Variants in PREX2 observed in about 807,000 individuals in gnomAD.
The protein encoded by PREX2 is phosphatidylinositol 3,4,5-trisphosphate-dependent Rac exchanger 2 protein.
In PREX2, 107 loss-of-function variants were observed where a neutral mutation model predicts 203.2. The observed-to-expected ratio is 0.53, with a 90% CI of 0.45 to 0.62. PREX2 has a LOEUF of 0.62. Among genes scored for constraint, PREX2 ranks in the 20% least tolerant of loss-of-function variants. PREX2 has a pLI of 0.00. For missense variants in PREX2, 1,777 were observed against 1,955.9 expected (o/e 0.91, Z 1.72); for synonymous variants, 672 against 663.6 (o/e 1.01, Z -0.19).
chr8:67,988,158 A>G (rs1201864618), intron 1 of PREX2, among the ~76,000 whole-genome samples: 2 of 152,192 alleles, frequency 1.3e-5, no homozygotes, highest in Admixed American at 1.3e-4. Context: ...AAAATATGCC[A>G]GAGCCCACAG....
intron 7 of PREX2, 88 bp downstream of exon 7, chr8:68,038,380 C>T: frequency 1.5e-6 from 2 of 1,336,278 alleles, no homozygotes; most frequent in Admixed American, 4.0e-5. Context: ...ATCCAGCTCA[C>T]AGTTTCTACC....
chr8:68,111,604 T>C (rs1010413942), intron 25 of PREX2, among the ~76,000 whole-genome samples: 5 of 152,162 alleles, frequency 3.3e-5, no homozygotes, highest in Admixed American at 3.3e-4. Context: ...CCCAACTGAG[T>C]GTGTTTATTA....
At position 68,203,815 on chromosome 8, in the gene PREX2, A is replaced by T. The variant is rs538968461; in HGVS notation, c.4604+11290A>T. ...TGCACAAAGTTCTGTTCAGTGTCTC[A>T]GATAAACAGGCCAAAGAGAAAACAA... On this transcript the variant is annotated intron_variant, in intron 37 of 39. Transcript: ENST00000288368. Among the ~76,000 whole-genome samples, 9 of 152,300 alleles carry T rather than the reference A, an allele frequency of 5.9e-5. No individual in the cohort carries two copies. The East Asian group carries it at 1.7e-3, about 29-fold the overall frequency.
At chr8:67,976,505 GGGACAGAC>G (rs1486053902) in intron 1 of PREX2, among the ~76,000 whole-genome samples, 2 of 106,518 alleles carry the variant, frequency 1.9e-5, no homozygotes, top group African/African-American at 3.3e-5. Flanking sequence ...GACAGAGAGA[GGGACAGAC>G]AGAGACAGAG....
chr8:67,960,575 G>C (rs142004655), intron 1 of PREX2, among the ~76,000 whole-genome samples: 1 of 152,116 alleles, frequency 6.6e-6, no homozygotes, highest in East Asian at 1.9e-4. Context: ...TGTTCCGGGA[G>C]CCACCAGGGA....
chr8:68,164,205 T>C (rs541804055), intron 35 of PREX2, among the ~76,000 whole-genome samples: 10 of 152,090 alleles, frequency 6.6e-5, no homozygotes, highest in East Asian at 5.8e-4. Context: ...CAGGAAAGAA[T>C]AGAAGTAAAC....
intron 1 of PREX2, among the ~76,000 whole-genome samples, chr8:68,017,159 T>C (rs1448090238): frequency 6.6e-6 from 1 of 152,120 alleles, no homozygotes; most frequent in Admixed American, 6.6e-5. Context: ...GTTTAGCCAT[T>C]GGTCAAAACT....
At chr8:68,222,581 A>G (rs1019417117) in intron 38 of PREX2, among the ~76,000 whole-genome samples, 2 of 152,156 alleles carry the variant, frequency 1.3e-5, no homozygotes, top group African/African-American at 4.8e-5. Context: ...TCCAGTCCAT[A>G]AACAAAACAA....
At chr8:68,094,845 G>A (rs528961712) in intron 21 of PREX2, 5 of 152,222 alleles carry the variant, frequency 3.3e-5, no homozygotes, top group Admixed American at 6.5e-5. Context: ...GCCCCACAAG[G>A]TTGCCCCCAT....
intron 13 of PREX2, among the ~76,000 whole-genome samples, chr8:68,070,146 C>A (rs1809155630): frequency 1.3e-5 from 2 of 151,434 alleles, no homozygotes; most frequent in Admixed American, 6.6e-5. Flanking sequence ...TGAAATAATC[C>A]ACTTTCAGTT....
At chr8:68,192,638 G>A (rs1585855798) in intron 37 of PREX2, 113 bp downstream of exon 37, 8 of 759,642 alleles carry the variant, frequency 1.1e-5, no homozygotes, top group East Asian at 2.8e-5. Context: ...AAAGACTCAG[G>A]TGTATTTGGA....
At chr8:67,995,880 A>G (rs1563490692) in intron 1 of PREX2, among the ~76,000 whole-genome samples, 1 of 152,154 alleles carries the variant, frequency 6.6e-6, no homozygotes, top group African/African-American at 2.4e-5. Flanking sequence ...TGGCAAATGT[A>G]TGTTTAACTT....
At chr8:68,077,620 A>G (rs1809389613) in intron 15 of PREX2, 151 bp downstream of exon 15, 2 of 659,432 alleles carry the variant, frequency 3.0e-6, no homozygotes, top group Non-Finnish European at 5.6e-6. Context: ...GGTCACCACA[A>G]CTGCATTCAG....
rs745746246 is a variant in PREX2 at position 68,097,189 on chromosome 8, C to T, written c.2541C>T (p.Ser847=). The part of the protein sequence containing the change: ...EKMIEPKGFF[S]LTAKILEALA... ...TGATTGAGCCCAAAGGTTTCTTCAG[C>T]TTAACTGCCAAGGTAGGAGCGATGC... Residue 847 remains serine, a synonymous_variant, in exon 22 of 40, where the codon AGC becomes AGT. Coordinates refer to ENST00000288368, the MANE Select transcript of PREX2 (RefSeq NM_024870.4). 4 of 1,612,002 alleles carry T rather than the reference C, an allele frequency of 2.5e-6. No individual in the cohort carries two copies. Among genetic ancestry groups the T allele is most frequent in the South Asian group, 2.2e-5 (2 of 90,862 alleles).
chr8:68,167,138 T>G (rs1188759753), intron 35 of PREX2, among the ~76,000 whole-genome samples: 19 of 152,070 alleles, frequency 1.2e-4, no homozygotes, highest in Admixed American at 6.5e-5. Flanking sequence ...AGAATTTTGC[T>G]TCCAAATAAT....
In PREX2 at chr8:67,976,717, CAGAG is replaced by C. The variant is rs770608418; in HGVS notation, c.141+24190_141+24193del. The stretch of plus-strand genomic sequence containing the variant: ...CAGAGAGAGAGAGACGGGAGAGAGA[CAGAG>C]AGAGAGACAGAGAGAGAGAGAGAGA... On this transcript the variant is annotated intron_variant, in intron 1 of 39. Transcript: ENST00000288368. 1.3e-4 allele frequency among the ~76,000 whole-genome samples: 7 copies of C among 52,050 alleles called. 1 individual carries two copies. The highest frequency in any genetic ancestry group is 1.5e-4 in the Non-Finnish European group (4 of 26,344). The allele number at this position is 52,050 out of a possible 152,430, so 34.1% of individuals were successfully genotyped here.
chr8:67,982,090 C>T (rs1365089403), intron 1 of PREX2, among the ~76,000 whole-genome samples: 1 of 152,130 alleles, frequency 6.6e-6, no homozygotes, highest in African/African-American at 2.4e-5. Flanking sequence ...AGCTGTGTGA[C>T]CTCAGGAAAG....
intron 25 of PREX2, among the ~76,000 whole-genome samples, chr8:68,115,229 A>T (rs982195148): frequency 2.0e-5 from 3 of 151,692 alleles, no homozygotes; most frequent in Non-Finnish European, 1.5e-5. Context: ...GGTTTCTCCA[A>T]GTTGGTCAGG....
chr8:68,038,867 T>C (rs1197963658), intron 7 of PREX2, among the ~76,000 whole-genome samples: 1 of 152,186 alleles, frequency 6.6e-6, no homozygotes, highest in Non-Finnish European at 1.5e-5. Flanking sequence ...ATTTTGGACC[T>C]GAAAGCCCAC....
Sources: allele counts gnomAD v4.1 joint callset (sites outside exome capture counted in the v4.1 genomes callset), GRCh38; gene constraint gnomAD v4.1.1; transcripts MANE v1.5; gene names NCBI Gene and HGNC (gene_info 2026-07-23, HGNC 2026-07-21).